The following ALK variants were observed in gnomAD, a reference collection of about 807,000 sequenced individuals.
ALK encodes the protein ALK tyrosine kinase receptor.
ALK carries 74 observed loss-of-function variants against 163.1 expected under a neutral mutation model. The ratio of observed to expected loss-of-function variants is 0.45; its 90% confidence interval spans 0.38 to 0.55. The LOEUF (loss-of-function observed/expected upper bound fraction) is 0.55, where lower values mean the gene tolerates loss of function less well. Ranked by LOEUF, ALK falls within the 20% of genes least tolerant of loss-of-function variation. The pLI is 0.00. For synonymous variants in ALK, 960 were observed against 843.2 expected, an observed-to-expected ratio of 1.14 and a Z score of -2.40; for missense variants, 2,063 against 2,105.3, an observed-to-expected ratio of 0.98 and a Z score of 0.39.
intron 1 of ALK, among the ~76,000 whole-genome samples, chr2:29,757,070 T>C (rs1680557987): frequency 6.6e-6 from 1 of 152,148 alleles, no homozygotes; most frequent in African/African-American, 2.4e-5. Context: ...CAGGATCCTT[T>C]GTGCATTGAG....
Position 29,735,099 on chromosome 2 carries a change from T to A in ALK, c.668-17402A>T, listed in dbSNP as rs185226071. Among the ~76,000 whole-genome samples, 9 of 152,290 alleles carry A rather than the reference T, an allele frequency of 5.9e-5. No homozygotes were observed. In the East Asian group the frequency reaches 1.2e-3, roughly 20 times the overall value. ...TATGAAGAAATTAAAAGGGTCAGTT[T>A]CAAATGCCCCAGAGATTCTGATTCT... On this transcript the variant is annotated intron_variant, in intron 1 of 28. Transcript: ENST00000389048.
At chr2:29,703,019 G>C (rs983569471) in intron 2 of ALK, among the ~76,000 whole-genome samples, 1 of 152,188 alleles carries the variant, frequency 6.6e-6, no homozygotes, top group Non-Finnish European at 1.5e-5. Context: ...CTGAGGGTGG[G>C]TGGGCAAAGT....
intron 3 of ALK, among the ~76,000 whole-genome samples, chr2:29,601,338 G>C (rs747118063): frequency 6.6e-6 from 1 of 152,092 alleles, no homozygotes; most frequent in Non-Finnish European, 1.5e-5. Flanking sequence ...CTGGTGCCTC[G>C]GTTTCCCCAT....
At chr2:29,366,930 C>T (rs1668522559) in intron 5 of ALK, among the ~76,000 whole-genome samples, 1 of 152,154 alleles carries the variant, frequency 6.6e-6, no homozygotes. Context: ...TCTATATGCT[C>T]CTGAAGGTCC....
chr2:29,353,993 A>G (rs1668180782), intron 5 of ALK, among the ~76,000 whole-genome samples: 1 of 152,240 alleles, frequency 6.6e-6, no homozygotes, highest in Admixed American at 6.5e-5. Context: ...CTTAAGCACA[A>G]GAGAGCCTGA....
chr2:29,700,832 T>G (rs1308105906), intron 2 of ALK, among the ~76,000 whole-genome samples: 7 of 152,046 alleles, frequency 4.6e-5, no homozygotes, highest in African/African-American at 1.7e-4. Flanking sequence ...ACATACCCAG[T>G]CTCCCTTATC....
At chr2:29,364,888 G>A (rs1262757372) in intron 5 of ALK, among the ~76,000 whole-genome samples, 1 of 152,222 alleles carries the variant, frequency 6.6e-6, no homozygotes, top group Non-Finnish European at 1.5e-5. Flanking sequence ...AGAGGAAGAG[G>A]AGGAAATAGA....
chr2:29,603,125 T>A (rs1675424644), intron 3 of ALK, among the ~76,000 whole-genome samples: 1 of 152,158 alleles, frequency 6.6e-6, no homozygotes, highest in Non-Finnish European at 1.5e-5. Flanking sequence ...TGGGTTAAGA[T>A]AAGGGGTTAC....
At chr2:29,535,925 G>A (rs1558372679) in intron 3 of ALK, among the ~76,000 whole-genome samples, 1 of 152,256 alleles carries the variant, frequency 6.6e-6, no homozygotes, top group East Asian at 1.9e-4. Context: ...AATACTCCAT[G>A]AACTTTCCCG....
chr2:29,763,441 A>G (rs1680769703), intron 1 of ALK, among the ~76,000 whole-genome samples: 1 of 152,172 alleles, frequency 6.6e-6, no homozygotes, highest in African/African-American at 2.4e-5. Context: ...GGCATTTAGA[A>G]CTGTAAGAAT....
At chr2:29,536,754 A>G (rs555232050) in intron 3 of ALK, among the ~76,000 whole-genome samples, 1 of 152,240 alleles carries the variant, frequency 6.6e-6, no homozygotes, top group Non-Finnish European at 1.5e-5. Flanking sequence ...TTTTGACCAA[A>G]ATGCTGATAG....
intron 4 of ALK, among the ~76,000 whole-genome samples, chr2:29,480,607 T>C (rs1331671783): frequency 2.0e-5 from 3 of 151,998 alleles, no homozygotes; most frequent in African/African-American, 7.2e-5. Flanking sequence ...TTGACACTTC[T>C]TGCTGTTGTC....
intron 2 of ALK, among the ~76,000 whole-genome samples, chr2:29,702,370 C>A (rs1678768216): frequency 6.6e-6 from 1 of 152,118 alleles, no homozygotes; most frequent in East Asian, 1.9e-4. Context: ...AAAGGCAGGG[C>A]AAAGCTGGGG....
intron 5 of ALK, among the ~76,000 whole-genome samples, chr2:29,354,366 C>A (rs1668191447): frequency 6.6e-6 from 1 of 152,182 alleles, no homozygotes; most frequent in South Asian, 2.1e-4. Flanking sequence ...AAAGCCAGAT[C>A]TGGGCCCATC....
intron 12 of ALK, among the ~76,000 whole-genome samples, chr2:29,244,780 T>C (rs1664614606): frequency 6.6e-6 from 1 of 152,266 alleles, no homozygotes; most frequent in South Asian, 2.1e-4. Flanking sequence ...TTTATAGCGA[T>C]GGCTATCCAT....
At chr2:29,584,990 T>C (rs1674838187) in intron 3 of ALK, among the ~76,000 whole-genome samples, 1 of 152,214 alleles carries the variant, frequency 6.6e-6, no homozygotes, top group Non-Finnish European at 1.5e-5. Context: ...GTGTGCTGCT[T>C]AGGAGGCCCA....
At chr2:29,464,459 G>C (rs1433556735) in intron 4 of ALK, among the ~76,000 whole-genome samples, 1 of 152,150 alleles carries the variant, frequency 6.6e-6, no homozygotes, top group Non-Finnish European at 1.5e-5. Context: ...GGGCATTATT[G>C]TGTTCAAACA....
At chr2:29,687,247 C>A (rs1213334363) in intron 3 of ALK, among the ~76,000 whole-genome samples, 2 of 151,826 alleles carry the variant, frequency 1.3e-5, no homozygotes, top group East Asian at 3.9e-4. Flanking sequence ...CACTTATTTT[C>A]CACATTTCCC....
intron 1 of ALK, among the ~76,000 whole-genome samples, chr2:29,723,414 T>C (rs756608076): frequency 1.6e-4 from 25 of 152,212 alleles, no homozygotes; most frequent in African/African-American, 5.8e-4. Context: ...AGACAACTCA[T>C]TGTAAGCCAC....
Sources: allele counts gnomAD v4.1 joint callset (sites outside exome capture counted in the v4.1 genomes callset), GRCh38; gene constraint gnomAD v4.1.1; transcripts MANE v1.5; gene names NCBI Gene and HGNC (gene_info 2026-07-23, HGNC 2026-07-21).